HDX: variants seen among roughly 807,000 people sequenced by gnomAD.
The protein encoded by HDX is highly divergent homeobox.
HDX carries 19 observed loss-of-function variants against 45.2 expected under a neutral mutation model. The observed-to-expected ratio is 0.42, with a 90% CI of 0.29 to 0.62. The LOEUF (loss-of-function observed/expected upper bound fraction) is 0.62, where lower values mean the gene tolerates loss of function less well. HDX is among the 20% of genes least tolerant of loss of function. The probability of loss-of-function intolerance (pLI) is 0.20; values close to 1 mark genes in which losing one functional copy is unlikely to be tolerated. For missense variants in HDX, 532 were observed against 493.9 expected, an observed-to-expected ratio of 1.08 and a Z score of -0.73; for synonymous variants, 188 against 172.8, an observed-to-expected ratio of 1.09 and a Z score of -0.69.
chrX:84,402,770 G>A (rs780008304), intron 5 of HDX, among the ~76,000 whole-genome samples: 2 of 111,587 alleles, frequency 1.8e-5, no homozygotes, highest in African/African-American at 3.2e-5. Context: ...GTCTTCCAAA[G>A]TGGCTGTACT....
chrX:84,350,729 T>C (rs979193885), intron 6 of HDX, among the ~76,000 whole-genome samples: 1 of 112,035 alleles, frequency 8.9e-6, no homozygotes, highest in African/African-American at 3.2e-5. Flanking sequence ...GATATTTTAA[T>C]TTATTGTAGA....
chrX:84,332,584 C>T (rs2036868164), intron 9 of HDX, among the ~76,000 whole-genome samples: 1 of 110,963 alleles, frequency 9.0e-6, no homozygotes, highest in East Asian at 2.9e-4. Flanking sequence ...CTAAGAGGAG[C>T]ACTCTTAACA....
intron 5 of HDX, among the ~76,000 whole-genome samples, chrX:84,362,125 G>A (rs946312555): frequency 9.0e-6 from 1 of 111,185 alleles, no homozygotes; most frequent in African/African-American, 3.3e-5. Context: ...ATATTATAAT[G>A]AATTAAAAAG....
At chrX:84,328,825 C>A (rs1383721007) in intron 9 of HDX, among the ~76,000 whole-genome samples, 1 of 111,691 alleles carries the variant, frequency 9.0e-6, no homozygotes, top group Non-Finnish European at 1.9e-5. Flanking sequence ...TATGAGTGAC[C>A]AATGGCCTGT....
intron 5 of HDX, among the ~76,000 whole-genome samples, chrX:84,366,784 C>T (rs1213477169): frequency 8.9e-6 from 1 of 111,867 alleles, no homozygotes; most frequent in Non-Finnish European, 1.9e-5. Context: ...GTTGGGAAAA[C>T]TTGCTAGCCA....
At chrX:84,392,836 T>C (rs2038473165) in intron 5 of HDX, among the ~76,000 whole-genome samples, 1 of 108,693 alleles carries the variant, frequency 9.2e-6, no homozygotes, top group Non-Finnish European at 1.9e-5. Flanking sequence ...TTTTGTCTAC[T>C]GATTTTGTGT....
intron 4 of HDX, among the ~76,000 whole-genome samples, chrX:84,449,275 A>G (rs945849679): frequency 8.9e-6 from 1 of 111,975 alleles, no homozygotes. Context: ...AAACTTCAAA[A>G]GTCTACCAAG....
chrX:84,348,065 CT>C (rs780162451), intron 6 of HDX, among the ~76,000 whole-genome samples: 13 of 110,951 alleles, frequency 1.2e-4, no homozygotes, highest in African/African-American at 3.3e-4. Context: ...TCTATTTTCC[CT>C]TTTTTTCTCT....
chrX:84,343,582 C>G lies in HDX; in HGVS notation c.1660+668G>C, dbSNP rs183682502. On this transcript the variant is annotated intron_variant, in intron 7 of 10. Coordinates refer to ENST00000373177, the MANE Select transcript of HDX (RefSeq NM_001177479.2). ...AGATTAGAGGCATTAGTCACCTCAC[C>G]TGGCCTTACAATGGATGAATTTTAT... 4.3e-3 allele frequency among the ~76,000 whole-genome samples: 479 copies of G among 111,067 alleles called. 6 individuals are homozygous for G. The highest frequency in any genetic ancestry group is 0.015 in the African/African-American group (449 of 30,656).
intron 6 of HDX, among the ~76,000 whole-genome samples, chrX:84,352,173 T>C (rs145644137): frequency 0.019 from 2,146 of 112,288 alleles, 18 homozygotes; most frequent in Non-Finnish European, 0.031. Flanking sequence ...TGGTTAGATT[T>C]CAAAAAATAT....
chrX:84,419,924 C>T (rs1018642584), intron 5 of HDX, among the ~76,000 whole-genome samples: 1 of 111,768 alleles, frequency 8.9e-6, no homozygotes, highest in African/African-American at 3.3e-5. Flanking sequence ...AAAGGCAGTA[C>T]CTATACCAGT....
chrX:84,342,782 TAAG>T (rs1260263756), intron 7 of HDX, among the ~76,000 whole-genome samples: 134 of 111,318 alleles, frequency 1.2e-3, no homozygotes, highest in African/African-American at 4.1e-3. Flanking sequence ...AATTGTAGTA[TAAG>T]GAAAGACTGT....
chrX:84,488,889 T>G (rs2148191171), intron 1 of HDX, among the ~76,000 whole-genome samples: 1 of 111,957 alleles, frequency 8.9e-6, no homozygotes, highest in Admixed American at 9.5e-5. Flanking sequence ...ACATTAAAAT[T>G]TTTGCATATC....
chrX:84,344,525 T>C lies in HDX; in HGVS notation c.1453-68A>G, dbSNP rs191760610. The stretch of plus-strand genomic sequence containing the variant: ...AACTTAGCAGTTCTAGCCAGTAAAA[T>C]AATGAATGAATGCTGCATAAAATAT... On this transcript the variant is annotated intron_variant, in intron 6 of 10. Coordinates refer to ENST00000373177, the MANE Select transcript of HDX (RefSeq NM_001177479.2). 2.8e-3 allele frequency: 1,934 copies of C among 700,592 alleles called. 16 individuals carry two copies. The highest frequency in any genetic ancestry group is 8.5e-4 in the Non-Finnish European group (383 of 450,201). The allele number at this position is 700,592 out of a possible 1,213,427, so 57.7% of individuals were successfully genotyped here.
At chrX:84,409,423 T>C (rs1214689965) in intron 5 of HDX, among the ~76,000 whole-genome samples, 2 of 110,675 alleles carry the variant, frequency 1.8e-5, no homozygotes, top group East Asian at 2.9e-4. Flanking sequence ...CACATGCACA[T>C]GTATGTTAAT....
intron 10 of HDX, among the ~76,000 whole-genome samples, chrX:84,322,942 A>G (rs2036627374): frequency 9.0e-6 from 1 of 110,828 alleles, no homozygotes; most frequent in Admixed American, 9.7e-5. Context: ...AGACCAAGGG[A>G]ACAGGAAGAA....
chrX:84,455,898 T>C (rs1167954909), intron 4 of HDX, among the ~76,000 whole-genome samples: 1 of 112,294 alleles, frequency 8.9e-6, no homozygotes, highest in Non-Finnish European at 1.9e-5. Flanking sequence ...GAAACCTTAC[T>C]TGCCAGGAGA....
intron 4 of HDX, 38 bp downstream of exon 4, chrX:84,468,434 A>AGTTT: frequency 2.2e-6 from 2 of 899,274 alleles, no homozygotes; most frequent in Non-Finnish European, 3.0e-6. Flanking sequence ...ATACACACAC[A>AGTTT]GTTTTTAAAA....
At chrX:84,368,165 G>A (rs1448191143) in intron 5 of HDX, among the ~76,000 whole-genome samples, 1 of 111,133 alleles carries the variant, frequency 9.0e-6, no homozygotes, top group South Asian at 3.8e-4. Context: ...GAAGCATAAG[G>A]AGGATTAATC....
Sources: gnomAD v4.1 joint callset for allele counts (sites outside exome capture counted in the v4.1 genomes callset) on GRCh38, gnomAD v4.1.1 for gene constraint, MANE v1.5 for transcripts, NCBI Gene and HGNC (gene_info 2026-07-23, HGNC 2026-07-21) for gene names.